The following DPH6 variants were observed in gnomAD, a reference collection of about 807,000 sequenced individuals.
DPH6 encodes the protein diphthamine biosynthesis 6.
In DPH6, 33 loss-of-function variants were observed where a neutral mutation model predicts 38.2. The ratio of observed to expected loss-of-function variants is 0.86; its 90% CI spans 0.65 to 1.15. The LOEUF is 1.15. Ranked by LOEUF, DPH6 falls within the 50% of genes most tolerant of loss-of-function variation. DPH6 has a pLI of 0.00. For missense variants in DPH6, 325 were observed against 320.0 expected (o/e 1.02, Z -0.12); for synonymous variants, 108 against 103.0 (o/e 1.05, Z -0.30).
chr15:35,234,306 G>A (rs2051537782), intron 3 of DPH6, among the ~76,000 whole-genome samples: 1 of 152,212 alleles, frequency 6.6e-6, no homozygotes, highest in Non-Finnish European at 1.5e-5. Context: ...TTTTGTTTGT[G>A]TGCAGGTGTG....
Position 35,482,204 on chromosome 15 carries a change from T to G in DPH6, c.313-27384A>C, listed in dbSNP as rs79719887. Among the ~76,000 whole-genome samples, 1,100 of 152,294 alleles carry G rather than the reference T, an allele frequency of 7.2e-3. 13 individuals carry two copies. In the East Asian group the frequency reaches 0.082, roughly 11 times the overall value. ...CTGGCAAACGAACTGAAAAAACCAG[T>G]GACTCATCTAGCCTGAGGCTGCAGT... On this transcript the variant is annotated intron_variant, in intron 3 of 8. Transcript: ENST00000256538.
At position 35,268,579 on chromosome 15, in the gene DPH6, A is replaced by T. The variant is rs187810972; in HGVS notation, n.201-47997T>A. On this transcript the variant is annotated intron_variant and non_coding_transcript_variant, in intron 3 of 3. Transcript: ENST00000560386. ...CTTTTTCTTCTGCTGCTTTAAAAAA[A>T]TTTTTTTAGGGGAAAGCAGAAAAAA... Among the ~76,000 whole-genome samples the T allele has an allele frequency of 2.6e-3, 392 of 151,982 alleles. 2 individuals carry two copies. Among genetic ancestry groups the T allele is most frequent in the African/African-American group, 8.9e-3 (368 of 41,534 alleles).
At chr15:35,298,224 G>A (rs1193656911) in intron 3 of DPH6, 1 of 497,740 alleles carries the variant, frequency 2.0e-6, no homozygotes, top group Non-Finnish European at 3.9e-6. Flanking sequence ...CACCGGAGAT[G>A]ACTTGTGCTC....
At chr15:35,521,794 T>C in intron 3 of DPH6, 2 of 1,239,664 alleles carry the variant, frequency 1.6e-6, no homozygotes, top group Non-Finnish European at 2.0e-6. Context: ...TATACAAGCA[T>C]TTTACTTAAC....
intron 7 of DPH6, among the ~76,000 whole-genome samples, chr15:35,380,477 T>C (rs998990077): frequency 6.6e-6 from 1 of 152,214 alleles, no homozygotes; most frequent in African/African-American, 2.4e-5. Context: ...CCAGGTGCTC[T>C]GGGACCTCAA....
chr15:35,510,357 A>G (rs1179759885), intron 3 of DPH6, among the ~76,000 whole-genome samples: 1 of 152,202 alleles, frequency 6.6e-6, no homozygotes, highest in African/African-American at 2.4e-5. Flanking sequence ...AGGTTCTGAC[A>G]TACATCTTTA....
intron 5 of DPH6, among the ~76,000 whole-genome samples, chr15:35,441,328 A>T (rs909582192): frequency 6.6e-6 from 1 of 152,218 alleles, no homozygotes; most frequent in African/African-American, 2.4e-5. Flanking sequence ...CCAAAGGCTT[A>T]TAAATCATTC....
chr15:35,184,958 G>A, the DPH6 span, among the ~76,000 whole-genome samples: 1 of 152,108 alleles, frequency 6.6e-6, no homozygotes, highest in South Asian at 2.1e-4. Flanking sequence ...TGGAACTATG[G>A]CACTGAAAAC....
chr15:35,263,751 A>G (rs975432168), intron 3 of DPH6, among the ~76,000 whole-genome samples: 1 of 150,888 alleles, frequency 6.6e-6, no homozygotes, highest in African/African-American at 2.4e-5. Context: ...TCGCTCTGTC[A>G]CTCAGGCTGG....
rs546004903 is a variant in DPH6, at chr15:35,242,028, T to C, written n.201-21446A>G. Among the ~76,000 whole-genome samples, 34 of 144,452 alleles carry C rather than the reference T, an allele frequency of 2.4e-4. 2 individuals are homozygous for C. The highest frequency in any genetic ancestry group is 8.5e-4 in the African/African-American group (34 of 39,798). The allele number at this position is 144,452 out of a possible 152,430, so 94.8% of individuals were successfully genotyped here. ...ATTATTCTGTTCTGGATCTCAAACG[T>C]GCTTTCTTTACTATTCCTTTGCACC... is the stretch of plus-strand genomic sequence containing the variant. On this transcript the variant is annotated intron_variant and non_coding_transcript_variant, in intron 3 of 3. Coordinates refer to the DPH6 transcript ENST00000560386.
the DPH6 span, among the ~76,000 whole-genome samples, chr15:35,205,960 G>A: frequency 1.3e-5 from 2 of 152,080 alleles, no homozygotes; most frequent in Non-Finnish European, 2.9e-5. Context: ...AAAATAGCAA[G>A]CCACCTTGAG....
chr15:35,347,347 G>A (rs185793815), intron 3 of DPH6, among the ~76,000 whole-genome samples: 2 of 151,932 alleles, frequency 1.3e-5, no homozygotes, highest in African/African-American at 4.8e-5. Context: ...GAGATGGGGC[G>A]TCACTTTGTT....
intron 6 of DPH6, among the ~76,000 whole-genome samples, chr15:35,392,065 T>A (rs1450943277): frequency 6.6e-6 from 1 of 152,218 alleles, no homozygotes; most frequent in Non-Finnish European, 1.5e-5. Context: ...CTAATTAATG[T>A]TAGGTTAAGC....
intron 3 of DPH6, among the ~76,000 whole-genome samples, chr15:35,288,801 T>C (rs111636933): frequency 4.1e-4 from 62 of 152,296 alleles, no homozygotes; most frequent in Middle Eastern, 3.4e-3. Flanking sequence ...TACTGTCTGA[T>C]TGAATGATAG....
At chr15:35,218,155 G>C (rs974861558) in exon 4 of DPH6, 1 of 152,104 alleles carries the variant, frequency 6.6e-6, no homozygotes, top group South Asian at 2.1e-4. Context: ...TCTTTAAAAA[G>C]CTATTTAGAG....
intron 3 of DPH6, among the ~76,000 whole-genome samples, chr15:35,476,438 T>A (rs1266554900): frequency 6.6e-6 from 1 of 151,856 alleles, no homozygotes; most frequent in East Asian, 1.9e-4. Flanking sequence ...AAGTAGGTTA[T>A]TAAAGAAATC....
At chr15:35,282,326 T>C (rs1466730841) in intron 3 of DPH6, among the ~76,000 whole-genome samples, 2 of 152,042 alleles carry the variant, frequency 1.3e-5, no homozygotes, top group Admixed American at 6.6e-5. Context: ...TATGTGCTGC[T>C]ACAACTGGCT....
intron 4 of DPH6, among the ~76,000 whole-genome samples, chr15:35,451,736 C>A (rs1023020077): frequency 6.6e-6 from 1 of 152,118 alleles, no homozygotes; most frequent in African/African-American, 2.4e-5. Flanking sequence ...ATAGGACAGG[C>A]GCGGTGACTC....
chr15:35,204,017 C>A, the DPH6 span, among the ~76,000 whole-genome samples: 1 of 151,688 alleles, frequency 6.6e-6, no homozygotes, highest in Non-Finnish European at 1.5e-5. Context: ...TGTACATCTA[C>A]ACTTTTATTT....
Sources: allele counts gnomAD v4.1 joint callset (sites outside exome capture counted in the v4.1 genomes callset), GRCh38; gene constraint gnomAD v4.1.1; transcripts MANE v1.5; gene names NCBI Gene and HGNC (gene_info 2026-07-23, HGNC 2026-07-21).